Variants in ARF3 observed in about 807,000 individuals in gnomAD.
The protein encoded by ARF3 is ARF GTPase 3, also known as ADP-ribosylation factor 3.
A neutral mutation model predicts 19.3 loss-of-function variants in ARF3; 5 were observed. The ratio of observed to expected loss-of-function variants is 0.26; its 90% CI spans 0.14 to 0.54. ARF3 has a LOEUF of 0.54. Among genes scored for constraint, ARF3 ranks in the 20% least tolerant of loss-of-function variants. The pLI is 0.95. For synonymous variants in ARF3, 71 were observed against 89.2 expected (o/e 0.80, Z 1.15); for missense variants, 77 against 234.2 (o/e 0.33, Z 4.38).
rs576883121 is a variant in ARF3 at position 48,957,483 on chromosome 12, T to G, written c.-267A>C. The G allele has an allele frequency of 6.5e-6, 1 of 152,710 alleles. No individual in the cohort carries two copies. Among genetic ancestry groups the G allele is most frequent in the South Asian group, 2.1e-4 (1 of 4,842 alleles). 9.5% of individuals were successfully genotyped at this position (152,710 alleles called of 1,614,324 possible). On this transcript the variant is annotated 5_prime_UTR_variant, in exon 1 of 5. Transcript: ENST00000256682. The stretch of plus-strand genomic sequence containing the variant: ...CGGAAGCCGCGACGGCGACTGGAGC[T>G]GTGCGGCGTACCCCCACCCCCAGCC...
intron 1 of ARF3, among the ~76,000 whole-genome samples, chr12:48,951,589 T>TA (rs576404240): frequency 0.043 from 6,286 of 146,294 alleles, 185 homozygotes; most frequent in Non-Finnish European, 0.063. Context: ...AATAAATAAA[T>TA]AATAAATAGG....
At chr12:48,944,840 G>A (rs1211438916) in intron 1 of ARF3, among the ~76,000 whole-genome samples, 1 of 152,162 alleles carries the variant, frequency 6.6e-6, no homozygotes, top group African/African-American at 2.4e-5. Context: ...TGGGACTGAT[G>A]AATAACTGAT....
intron 1 of ARF3, chr12:48,953,071 A>G (rs1940496495): frequency 7.2e-5 from 11 of 152,226 alleles, no homozygotes; most frequent in Admixed American, 7.2e-4. Context: ...ACTATGCCTT[A>G]TTCATATTTC....
At chr12:48,951,068 T>C (rs957032556) in intron 1 of ARF3, among the ~76,000 whole-genome samples, 2 of 152,202 alleles carry the variant, frequency 1.3e-5, no homozygotes, top group African/African-American at 4.8e-5. Context: ...ATTACAGGCG[T>C]GAGCCACTGC....
At position 48,939,051 on chromosome 12, in the gene ARF3, G is replaced by T; in HGVS notation, c.442C>A (p.Leu148Ile). 1 of 1,614,102 alleles carries T rather than the reference G, an allele frequency of 6.2e-7. No homozygotes were observed. The highest frequency in any genetic ancestry group is 2.2e-5 in the East Asian group (1 of 44,884). ...TGAATGTACCAGTTACGGTGACGAA[G>T]GGAATGCAGGCCCAGCTTGTCTGTG... ...EITDKLGLHS[L>I]RHRNWYIQAT... The change falls in exon 5 of 5, where the codon CTT becomes ATT. Residue 148 changes from leucine to isoleucine, a missense_variant. This residue lies in a region of ARF3 where 53 missense variants were observed against 121.2 expected (regional missense o/e 0.44). Coordinates refer to ENST00000256682, the MANE Select transcript of ARF3 (RefSeq NM_001659.3). The surrounding 1 kb of genome is among the most constrained non-coding windows in gnomAD (Gnocchi z 4.8).
intron 1 of ARF3, among the ~76,000 whole-genome samples, chr12:48,950,149 C>T (rs1205075451): frequency 1.3e-5 from 2 of 152,192 alleles, no homozygotes; most frequent in East Asian, 1.9e-4. Flanking sequence ...AATTCTTGGG[C>T]TCACGCAATC....
intron 1 of ARF3, chr12:48,956,049 CCAA>C (rs1940559662): frequency 6.6e-6 from 1 of 152,244 alleles, no homozygotes; most frequent in East Asian, 1.9e-4. Context: ...AACACCTACC[CCAA>C]CAACAAGCCC....
chr12:48,939,337 G>A lies in ARF3; in HGVS notation c.385-229C>T, dbSNP rs1268108863. 6.6e-6 allele frequency among the ~76,000 whole-genome samples: 1 copy of A among 152,170 alleles called. No individual in the cohort carries two copies. The highest frequency in any genetic ancestry group is 2.4e-5 in the African/African-American group (1 of 41,430). On this transcript the variant is annotated intron_variant, in intron 4 of 4. Transcript: ENST00000256682. The surrounding 1 kb of genome is among the most constrained non-coding windows in gnomAD (Gnocchi z 4.8). ...ATTGGAAACCAAATACGAGGATGGT[G>A]GGGAAGCAAGAGACGTGATTCAGAC... is the stretch of plus-strand genomic sequence containing the variant.
At chr12:48,952,162 A>C (rs1425860977) in intron 1 of ARF3, among the ~76,000 whole-genome samples, 1 of 152,206 alleles carries the variant, frequency 6.6e-6, no homozygotes, top group Non-Finnish European at 1.5e-5. Context: ...CCATCTAGGC[A>C]AAGAACAATC....
chr12:48,953,075 A>G (rs1241850418), intron 1 of ARF3: 1 of 152,264 alleles, frequency 6.6e-6, no homozygotes, highest in Non-Finnish European at 1.5e-5. Context: ...TGCCTTATTC[A>G]TATTTCACGT....
At chr12:48,949,289 G>C (rs982715277) in intron 1 of ARF3, among the ~76,000 whole-genome samples, 2 of 152,144 alleles carry the variant, frequency 1.3e-5, no homozygotes, top group African/African-American at 4.8e-5. Context: ...GCAGTGGCGC[G>C]ATCTCGGCTC....
rs191082170 is a variant in ARF3, at chr12:48,942,847, C to T, written c.-93-1659G>A. 6.1e-3 allele frequency among the ~76,000 whole-genome samples: 936 copies of T among 152,292 alleles called. 3 individuals carry two copies. Among genetic ancestry groups the T allele is most frequent in the Non-Finnish European group, 0.01 (704 of 68,024 alleles). The stretch of plus-strand genomic sequence containing the variant: ...TGAGGCCGAGCGCAGTGGCTCACGC[C>T]TGTAATCCCAGCACTTTGGGAGGCC... On this transcript the variant is annotated intron_variant, in intron 1 of 4. Transcript: ENST00000256682.
At chr12:48,946,254 C>A (rs557201634) in intron 1 of ARF3, among the ~76,000 whole-genome samples, 2 of 152,324 alleles carry the variant, frequency 1.3e-5, no homozygotes, top group Admixed American at 6.5e-5. Flanking sequence ...CTGCTTTGTG[C>A]CATGAATACA....
Position 48,939,356 on chromosome 12 carries a change from T to C in ARF3, c.385-248A>G, listed in dbSNP as rs1940210868. Among the ~76,000 whole-genome samples the C allele has an allele frequency of 6.6e-6, 1 of 152,170 alleles. No individual in the cohort carries two copies. The highest frequency in any genetic ancestry group is 2.4e-5 in the African/African-American group (1 of 41,438). On this transcript the variant is annotated intron_variant, in intron 4 of 4. Transcript: ENST00000256682. The surrounding 1 kb of genome is among the most constrained non-coding windows in gnomAD (Gnocchi z 4.8). ...GATGGTGGGGAAGCAAGAGACGTGA[T>C]TCAGACTGACCAAAGAATCAGGTCT...
chr12:48,948,510 C>A (rs1466143922), intron 1 of ARF3, among the ~76,000 whole-genome samples: 1 of 151,938 alleles, frequency 6.6e-6, no homozygotes, highest in East Asian at 1.9e-4. Flanking sequence ...CCAGTCTCAG[C>A]CTCCTAAAGT....
intron 1 of ARF3, among the ~76,000 whole-genome samples, chr12:48,941,405 T>C (rs1014328797): frequency 6.6e-6 from 1 of 152,166 alleles, no homozygotes; most frequent in African/African-American, 2.4e-5. Context: ...AATCTAACCA[T>C]GTGACTCTGG....
rs1233960923 is a variant in ARF3 at position 48,937,323 on chromosome 12, G to T, written c.*1624C>A. 1 of 152,304 alleles carries T rather than the reference G, an allele frequency of 6.6e-6. No homozygotes were observed. The highest frequency in any genetic ancestry group is 6.5e-5 in the Admixed American group (1 of 15,292). The allele number at this position is 152,304 out of a possible 1,614,324, so 9.4% of individuals were successfully genotyped here. A position where few individuals can be genotyped will look rare whatever the true frequency, so the allele number is the denominator to read the frequency against. The stretch of plus-strand genomic sequence containing the variant: ...GGGCCCTGACCTTAGCAGGTTATGG[G>T]CAGCTGTCTCGGAGCTCAGGGCGCA... On this transcript the variant is annotated 3_prime_UTR_variant, in exon 5 of 5. Coordinates refer to ENST00000256682, the MANE Select transcript of ARF3 (RefSeq NM_001659.3).
chr12:48,950,649 ACCTGTTAAACAGAGGATCCCCAATCCC>A (rs1390249785), intron 1 of ARF3, among the ~76,000 whole-genome samples: 54 of 152,134 alleles, frequency 3.5e-4, no homozygotes, highest in African/African-American at 1.3e-3. Flanking sequence ...CTGAAACTGT[ACCTGTTAAACAGAGGATCCCCAATCCC>A]CCTGTCCCTC....
At chr12:48,951,125 TAATAAA>T in intron 1 of ARF3, among the ~76,000 whole-genome samples, 2 of 152,236 alleles carry the variant, frequency 1.3e-5, no homozygotes, top group African/African-American at 4.8e-5. Flanking sequence ...CTATATGATT[TAATAAA>T]TCCTCTCAGC....
Sources: gnomAD v4.1 joint callset for allele counts (sites outside exome capture counted in the v4.1 genomes callset) on GRCh38, gnomAD v4.1.1 for gene constraint, gnomAD v4.1.1 regional missense constraint, Gnocchi (gnomAD v3.1) non-coding constraint, MANE v1.5 for transcripts, NCBI Gene and HGNC (gene_info 2026-07-23, HGNC 2026-07-21) for gene names.